GDPD4: variants seen among roughly 807,000 people sequenced by gnomAD.
The protein encoded by GDPD4 is glycerophosphodiester phosphodiesterase domain containing 4, also known as glycerophosphodiester phosphodiesterase 6.
A neutral mutation model predicts 67.8 loss-of-function variants in GDPD4; 60 were observed. That is an observed-to-expected ratio of 0.88 (90% CI 0.72 to 1.10). The LOEUF (loss-of-function observed/expected upper bound fraction) is 1.10. GDPD4 is among the 50% of genes least tolerant of loss of function. The probability of loss-of-function intolerance (pLI) is 0.00; values close to 1 mark genes in which losing one functional copy is unlikely to be tolerated. For missense variants in GDPD4, 623 were observed against 613.9 expected, an observed-to-expected ratio of 1.01 and a Z score of -0.16; for synonymous variants, 212 against 210.9, an observed-to-expected ratio of 1.00 and a Z score of -0.04.
At chr11:77,267,071 G>A (rs1959181501) in intron 10 of GDPD4, among the ~76,000 whole-genome samples, 1 of 152,126 alleles carries the variant, frequency 6.6e-6, no homozygotes, top group South Asian at 2.1e-4. Context: ...CTATACAGGT[G>A]TACCATGTTT....
At chr11:77,272,705 G>T (rs1237414184) in intron 5 of GDPD4, among the ~76,000 whole-genome samples, 1 of 151,976 alleles carries the variant, frequency 6.6e-6, no homozygotes, top group Non-Finnish European at 1.5e-5. Flanking sequence ...GAACCCGGGA[G>T]GCAGAAGTTG....
intron 13 of GDPD4, among the ~76,000 whole-genome samples, chr11:77,241,680 C>A (rs1386893675): frequency 6.8e-6 from 1 of 147,346 alleles, no homozygotes; most frequent in Non-Finnish European, 1.5e-5. Flanking sequence ...CACAGTGGCT[C>A]ACACCTGTAA....
intron 14 of GDPD4, among the ~76,000 whole-genome samples, chr11:77,230,888 A>G (rs905459973): frequency 3.9e-5 from 6 of 152,192 alleles, no homozygotes; most frequent in Non-Finnish European, 7.3e-5. Flanking sequence ...TAACACTGTG[A>G]GAACTTTGAA....
chr11:77,256,891 C>G (rs1247916097), intron 11 of GDPD4, among the ~76,000 whole-genome samples: 1 of 152,138 alleles, frequency 6.6e-6, no homozygotes, highest in Non-Finnish European at 1.5e-5. Flanking sequence ...GTCAAATAAA[C>G]CTCTTTTCTT....
intron 14 of GDPD4, among the ~76,000 whole-genome samples, chr11:77,231,013 G>A (rs868588893): frequency 3.3e-5 from 5 of 152,130 alleles, no homozygotes; most frequent in African/African-American, 9.7e-5. Flanking sequence ...GAGAAACTTG[G>A]TCATTCCAGG....
intron 16 of GDPD4, among the ~76,000 whole-genome samples, chr11:77,222,850 C>T (rs541303584): frequency 2.0e-5 from 3 of 152,186 alleles, no homozygotes; most frequent in Admixed American, 1.3e-4. Context: ...CCATTCTCCC[C>T]GTCACTTTCA....
rs1959036849 is a variant in GDPD4, at chr11:77,257,950, A to T, written c.864+436T>A. Among the ~76,000 whole-genome samples, 3 of 152,144 alleles carry T rather than the reference A, an allele frequency of 2.0e-5. No homozygotes were observed. In the South Asian group the frequency reaches 6.2e-4, roughly 32 times the overall value. ...TTTCTTATACTAGCCTGTGAATTCC[A>T]TTAAGGCTGGATGTGTGTTTATTCA... is the stretch of plus-strand genomic sequence containing the variant. On this transcript the variant is annotated intron_variant, in intron 11 of 16. Transcript: ENST00000315938.
chr11:77,245,521 A>T lies in GDPD4; in HGVS notation c.865-19T>A. ...GCCTGAGCTAGAAACAAATACATCA[A>T]AAAATACATAAAAGCACTTTCCAGT... is the stretch of plus-strand genomic sequence containing the variant. On this transcript the variant is annotated intron_variant, in intron 11 of 16. Transcript: ENST00000315938. 3 of 1,565,780 alleles carry T rather than the reference A, an allele frequency of 1.9e-6. No homozygotes were observed. The highest frequency in any genetic ancestry group is 2.6e-6 in the Non-Finnish European group (3 of 1,138,044).
At chr11:77,285,832 C>A (rs1474957754) in intron 2 of GDPD4, among the ~76,000 whole-genome samples, 1 of 152,110 alleles carries the variant, frequency 6.6e-6, no homozygotes, top group Non-Finnish European at 1.5e-5. Context: ...AGGACTAGAA[C>A]CCAGATCTGT....
intron 10 of GDPD4, among the ~76,000 whole-genome samples, 154 bp downstream of exon 10, chr11:77,268,303 T>A (rs537140515): frequency 8.1e-4 from 123 of 152,254 alleles, no homozygotes; most frequent in African/African-American, 2.8e-3. Context: ...TTGTGAGATG[T>A]GGTTCATTTG....
At position 77,269,055 on chromosome 11, in the gene GDPD4, C is replaced by T. The variant is rs1342637068; in HGVS notation, c.493G>A (p.Val165Ile). 1.9e-6 allele frequency: 3 copies of T among 1,613,574 alleles called. No homozygotes were observed. Among genetic ancestry groups the T allele is most frequent in the African/African-American group, 1.3e-5 (1 of 74,872 alleles). The change falls in exon 9 of 17, where the codon GTT becomes ATT. Residue 165 changes from valine to isoleucine, a missense_variant. Transcript: ENST00000315938. ...ITRLRGLQVP[V>I]GLPFLLILLG... ...AGGATAAGAAGAAAGGGTAATCCAA[C>T]AGGCACTTGTAGACCTGAAAAATTT... is the stretch of plus-strand genomic sequence containing the variant.
intron 1 of GDPD4, among the ~76,000 whole-genome samples, chr11:77,292,854 G>A (rs1241709745): frequency 2.0e-5 from 3 of 151,966 alleles, no homozygotes; most frequent in African/African-American, 4.8e-5. Context: ...ACATGAAATG[G>A]GCAAATTCCT....
At chr11:77,299,383 ATACT>A (rs1938086203) in intron 1 of GDPD4, among the ~76,000 whole-genome samples, 1 of 152,188 alleles carries the variant, frequency 6.6e-6, no homozygotes, top group Non-Finnish European at 1.5e-5. Flanking sequence ...ACTTTATTTA[ATACT>A]GCAATCTGCT....
At chr11:77,236,342 C>T (rs918224215) in intron 13 of GDPD4, among the ~76,000 whole-genome samples, 1 of 152,044 alleles carries the variant, frequency 6.6e-6, no homozygotes, top group East Asian at 1.9e-4. Context: ...CGTCTCCCCA[C>T]CCCACAACAG....
chr11:77,294,764 A>C (rs1248444217), intron 1 of GDPD4, among the ~76,000 whole-genome samples: 8 of 152,182 alleles, frequency 5.3e-5, no homozygotes, highest in African/African-American at 1.9e-4. Flanking sequence ...ACAGTTACCA[A>C]GATAGCGTGG....
chr11:77,219,786 G>A (rs1468228940), intron 16 of GDPD4, among the ~76,000 whole-genome samples: 1 of 152,122 alleles, frequency 6.6e-6, no homozygotes, highest in African/African-American at 2.4e-5. Context: ...CTGTAGCCTT[G>A]TAGTATAGTT....
chr11:77,237,126 T>A (rs997087512), intron 13 of GDPD4, among the ~76,000 whole-genome samples: 2 of 152,150 alleles, frequency 1.3e-5, no homozygotes, highest in Non-Finnish European at 2.9e-5. Context: ...CAAATAGAGA[T>A]GTTTCATGAC....
chr11:77,284,985 C>T (rs1352349637), intron 3 of GDPD4, 100 bp downstream of exon 3: 1 of 868,996 alleles, frequency 1.2e-6, no homozygotes, highest in East Asian at 2.4e-5. Flanking sequence ...GTCCGCCTTC[C>T]CTACTATATC....
intron 1 of GDPD4, among the ~76,000 whole-genome samples, chr11:77,290,387 T>C (rs1937732555): frequency 6.6e-6 from 1 of 152,078 alleles, no homozygotes; most frequent in African/African-American, 2.4e-5. Flanking sequence ...TCTAAACAAA[T>C]TTGTAAAAAT....
Sources: allele counts gnomAD v4.1 joint callset (sites outside exome capture counted in the v4.1 genomes callset), GRCh38; gene constraint gnomAD v4.1.1; transcripts MANE v1.5; gene names NCBI Gene and HGNC (gene_info 2026-07-23, HGNC 2026-07-21).